The following ARPP21 variants were observed in gnomAD, a reference collection of about 807,000 sequenced individuals.
ARPP21 encodes the protein cAMP-regulated phosphoprotein 21.
Under a neutral mutation model 113.2 loss-of-function variants are expected in ARPP21, and 69 were observed. The ratio of observed to expected loss-of-function variants is 0.61; its 90% CI spans 0.50 to 0.74. The LOEUF is 0.74. Among genes scored for constraint, ARPP21 ranks in the 30% least tolerant of loss-of-function variants. ARPP21 has a pLI of 0.00. For missense variants in ARPP21, 1,070 were observed against 1,037.4 expected, an observed-to-expected ratio of 1.03 and a Z score of -0.43; for synonymous variants, 368 against 375.5, an observed-to-expected ratio of 0.98 and a Z score of 0.23.
At chr3:35,780,892 G>C (rs1404190029) in intron 19 of ARPP21, among the ~76,000 whole-genome samples, 3 of 152,050 alleles carry the variant, frequency 2.0e-5, no homozygotes, top group Non-Finnish European at 4.4e-5. Context: ...ATCAGAGACA[G>C]AGGCGAGATG....
chr3:35,748,421 AAG>A (rs2095267579), intron 19 of ARPP21, among the ~76,000 whole-genome samples: 2 of 150,588 alleles, frequency 1.3e-5, no homozygotes, highest in South Asian at 2.1e-4. Context: ...AGAGAAAGAA[AAG>A]AGAAAGAAAG....
chr3:35,722,273 C>A (rs1419611909), intron 14 of ARPP21, among the ~76,000 whole-genome samples: 2 of 152,108 alleles, frequency 1.3e-5, no homozygotes, highest in African/African-American at 4.8e-5. Flanking sequence ...ATGAATTATT[C>A]CTTAAAAACA....
intron 19 of ARPP21, among the ~76,000 whole-genome samples, chr3:35,755,187 T>C (rs138252661): frequency 9.0e-4 from 137 of 152,176 alleles, no homozygotes; most frequent in African/African-American, 3.2e-3. Flanking sequence ...TTCTTGTTAA[T>C]TTTTTGAGAG....
chr3:35,711,240 C>A (rs1474713000), intron 11 of ARPP21, among the ~76,000 whole-genome samples: 2 of 152,102 alleles, frequency 1.3e-5, no homozygotes, highest in Non-Finnish European at 2.9e-5. Flanking sequence ...GCATCAGGTA[C>A]CCAGACTATA....
chr3:35,677,493 G>A lies in ARPP21; in HGVS notation c.-212-2294G>A, dbSNP rs143940300. On this transcript the variant is annotated intron_variant, in intron 1 of 20. Transcript: ENST00000684406. ...AAGTGATATAGCAATTATTTTACTT[G>A]CTTTCTTCATGGTAAATAGTTTACA... Among the ~76,000 whole-genome samples, 207 of 151,998 alleles carry A rather than the reference G, an allele frequency of 1.4e-3. 2 individuals are homozygous for A. Among genetic ancestry groups the A allele is most frequent in the Admixed American group, 0.013 (202 of 15,240 alleles).
chr3:35,718,039 T>TTTAATGTG (rs1373638781), intron 13 of ARPP21, among the ~76,000 whole-genome samples: 1 of 152,148 alleles, frequency 6.6e-6, no homozygotes. Flanking sequence ...AATACATATA[T>TTTAATGTG]TTAATGTGTT....
rs1466001213 is a variant in ARPP21 at position 35,743,943 on chromosome 3, G to A, written c.2115G>A (p.Met705Ile). ...ACAACGCTCAGAGGAGTCAACAGAT[G>A]CCACAGGCAGCACAGCAAGCAGGTA... ...VQYNAQRSQQ[M>I]PQAAQQAGYQ... Residue 705 changes from methionine to isoleucine, a missense_variant, in exon 19 of 21, where the codon ATG becomes ATA. Met to Ile is a conservative substitution (Grantham distance 10). Transcript: ENST00000684406. 6.2e-7 allele frequency: 1 copy of A among 1,614,010 alleles called. No individual in the cohort carries two copies. Among genetic ancestry groups the A allele is most frequent in the Non-Finnish European group, 8.5e-7 (1 of 1,180,000 alleles).
chr3:35,747,099 C>T (rs1462595885), intron 19 of ARPP21, among the ~76,000 whole-genome samples: 2 of 151,956 alleles, frequency 1.3e-5, no homozygotes, highest in Admixed American at 1.3e-4. Context: ...ACCTATAATC[C>T]CAGCACTTTG....
intron 9 of ARPP21, among the ~76,000 whole-genome samples, chr3:35,691,408 CATCT>C (rs1347438704): frequency 1.3e-5 from 2 of 151,574 alleles, no homozygotes; most frequent in South Asian, 2.1e-4. Context: ...CTTTTTTAGA[CATCT>C]ATCTTATTGT....
intron 9 of ARPP21, among the ~76,000 whole-genome samples, chr3:35,696,937 C>T (rs1034426451): frequency 2.6e-5 from 4 of 151,240 alleles, no homozygotes; most frequent in Admixed American, 6.6e-5. Flanking sequence ...TATTGTTGTC[C>T]TGTTAGATAT....
intron 19 of ARPP21, among the ~76,000 whole-genome samples, chr3:35,769,204 A>T (rs939308699): frequency 1.6e-4 from 25 of 152,216 alleles, no homozygotes; most frequent in Non-Finnish European, 1.6e-4. Context: ...ATCAGGCTGC[A>T]GTAGCAGACA....
intron 19 of ARPP21, among the ~76,000 whole-genome samples, chr3:35,771,335 T>G (rs2151515392): frequency 6.7e-6 from 1 of 148,698 alleles, no homozygotes; most frequent in Admixed American, 6.7e-5. Context: ...TAATGATTGT[T>G]TTTTTTTTTT....
intron 9 of ARPP21, among the ~76,000 whole-genome samples, chr3:35,694,077 G>A (rs146181404): frequency 2.0e-4 from 30 of 151,582 alleles, no homozygotes; most frequent in Middle Eastern, 3.4e-3. Context: ...AACTATTTCA[G>A]CTCCTTATTG....
intron 19 of ARPP21, among the ~76,000 whole-genome samples, chr3:35,786,420 G>A (rs894601935): frequency 1.3e-5 from 2 of 151,840 alleles, no homozygotes; most frequent in Non-Finnish European, 2.9e-5. Flanking sequence ...TACTTAGGAG[G>A]CTGAGGCAGG....
At chr3:35,707,245 T>C (rs1406471344) in intron 10 of ARPP21, among the ~76,000 whole-genome samples, 163 bp downstream of exon 10, 1 of 152,074 alleles carries the variant, frequency 6.6e-6, no homozygotes, top group Admixed American at 6.5e-5. Context: ...CCTCCCCCTT[T>C]GGCATTCAAT....
chr3:35,770,944 A>G (rs9819484), intron 19 of ARPP21, among the ~76,000 whole-genome samples: 4,038 of 152,278 alleles, frequency 0.027, 187 homozygotes, highest in African/African-American at 0.088. Flanking sequence ...AAGCAGGACA[A>G]TACTCATCAA....
Position 35,772,785 on chromosome 3 carries a change from T to C in ARPP21, c.2138-19597T>C, listed in dbSNP as rs139757707. 4.1e-3 allele frequency among the ~76,000 whole-genome samples: 617 copies of C among 152,282 alleles called. 1 individual carries two copies. The highest frequency in any genetic ancestry group is 5.2e-3 in the Non-Finnish European group (353 of 68,024). Reference sequence around the variant, plus strand: ...TTAGTTGCAAATAAATGAAAGAGCTTTGGATGCCTGAAAACAGCTGCACAG... The same window carrying C: ...TTAGTTGCAAATAAATGAAAGAGCTCTGGATGCCTGAAAACAGCTGCACAG... On this transcript the variant is annotated intron_variant, in intron 19 of 20. Transcript: ENST00000684406.
At chr3:35,778,248 G>C (rs1393123078) in intron 19 of ARPP21, among the ~76,000 whole-genome samples, 1 of 152,182 alleles carries the variant, frequency 6.6e-6, no homozygotes, top group African/African-American at 2.4e-5. Context: ...GTTATTCTCT[G>C]TGTTTCCTCC....
Position 35,739,478 on chromosome 3 carries a change from T to C in ARPP21, c.1911T>C (p.Pro637=), listed in dbSNP as rs1478876698. Reference sequence around the variant, plus strand: ...TCGCCTCTACAGGCCAGCAGCTTCCTACAGGAGGATTCTCAGGCTCTGGCC... The same window carrying C: ...TCGCCTCTACAGGCCAGCAGCTTCCCACAGGAGGATTCTCAGGCTCTGGCC... ...YVIASTGQQL[P]TGGFSGSGPP... The change falls in exon 18 of 21, where the codon CCT becomes CCC. Residue 637 remains proline, a synonymous_variant. Coordinates refer to ENST00000684406, the MANE Select transcript of ARPP21 (RefSeq NM_001385562.1). The C allele has an allele frequency of 1.2e-6, 2 of 1,614,004 alleles. No homozygotes were observed. The highest frequency in any genetic ancestry group is 1.1e-5 in the South Asian group (1 of 91,088).
Sources: gnomAD v4.1 joint callset for allele counts (sites outside exome capture counted in the v4.1 genomes callset) on GRCh38, gnomAD v4.1.1 for gene constraint, MANE v1.5 for transcripts, NCBI Gene and HGNC (gene_info 2026-07-23, HGNC 2026-07-21) for gene names.